ECT2: variants seen among roughly 807,000 people sequenced by gnomAD.
The protein encoded by ECT2 is epithelial cell transforming 2.
ECT2 carries 61 observed loss-of-function variants against 116.9 expected under a neutral mutation model. That is an observed-to-expected ratio of 0.52 (90% confidence interval 0.42 to 0.65). The LOEUF (loss-of-function observed/expected upper bound fraction) is 0.65. Among genes scored for constraint, ECT2 ranks in the 30% least tolerant of loss-of-function variants. The pLI, the probability that ECT2 is intolerant of heterozygous loss-of-function variation, is 0.00. For synonymous variants in ECT2, 358 were observed against 346.4 expected (o/e 1.03, Z -0.37); for missense variants, 937 against 1,078.7 (o/e 0.87, Z 1.84).
At chr3:172,801,902 A>G (rs1726788563) in intron 18 of ECT2, among the ~76,000 whole-genome samples, 1 of 152,152 alleles carries the variant, frequency 6.6e-6, no homozygotes, top group Non-Finnish European at 1.5e-5. Context: ...TTTTTGTTTC[A>G]GTGAAATGAT....
At chr3:172,784,428 T>TAGA (rs1723258410) in intron 16 of ECT2, among the ~76,000 whole-genome samples, 1 of 152,210 alleles carries the variant, frequency 6.6e-6, no homozygotes, top group Admixed American at 6.5e-5. Flanking sequence ...ATGTGCTTTT[T>TAGA]CTTGTGAATA....
intron 22 of ECT2, among the ~76,000 whole-genome samples, chr3:172,811,876 T>C (rs1728821183): frequency 6.6e-6 from 1 of 152,112 alleles, no homozygotes; most frequent in African/African-American, 2.4e-5. Flanking sequence ...TGCAGTAAAA[T>C]ATGTCTCATA....
chr3:172,809,601 A>T (rs1001635800), intron 22 of ECT2, among the ~76,000 whole-genome samples: 2 of 150,448 alleles, frequency 1.3e-5, no homozygotes, highest in Non-Finnish European at 2.9e-5. Context: ...ACACACACGC[A>T]CACACACACG....
intron 12 of ECT2, among the ~76,000 whole-genome samples, chr3:172,764,802 T>G (rs1719011770): frequency 6.6e-6 from 1 of 152,172 alleles, no homozygotes; most frequent in Non-Finnish European, 1.5e-5. Context: ...GTCATATAAC[T>G]AGAGAGTGAT....
At position 172,758,610 on chromosome 3, in the gene ECT2, G is replaced by A. The variant is rs191354257; in HGVS notation, c.487-370G>A. 1.7e-3 allele frequency among the ~76,000 whole-genome samples: 254 copies of A among 152,166 alleles called. 1 individual carries two copies. The highest frequency in any genetic ancestry group is 3.3e-3 in the Non-Finnish European group (222 of 68,010). ...ATTTACTCAGTGTTTATTATAAAAT[G>A]CCTCTGACCTGTTTTAATGACATTA... On this transcript the variant is annotated intron_variant, in intron 5 of 24. Coordinates refer to ENST00000392692, the MANE Select transcript of ECT2 (RefSeq NM_001258315.2).
Position 172,762,429 on chromosome 3 carries a change from G to T in ECT2, c.772G>T (p.Ala258Ser), listed in dbSNP as rs748406009. ...TTTTGTTTTTAGGGATTTCTATGCA[G>T]CAGTTGATGACTTTAGAAATGAATT... ...ERRNEQDFYA[A>S]VDDFRNEFKV... Residue 258 changes from alanine to serine, a missense_variant, in exon 9 of 25, where the codon GCA (alanine) becomes TCA (serine). Ala to Ser is a moderately conservative substitution (Grantham distance 99). Transcript: ENST00000392692. 2 of 1,592,828 alleles carry T rather than the reference G, an allele frequency of 1.3e-6. No individual in the cohort carries two copies. The highest frequency in any genetic ancestry group is 3.8e-5 in the Admixed American group (2 of 52,440).
the ECT2 span, among the ~76,000 whole-genome samples, chr3:172,826,751 A>G: frequency 6.6e-6 from 1 of 152,218 alleles, no homozygotes; most frequent in African/African-American, 2.4e-5. Flanking sequence ...ATCAGTCAGC[A>G]GCCATCAACA....
At chr3:172,766,481 A>G (rs189046538) in intron 12 of ECT2, among the ~76,000 whole-genome samples, 1 of 152,360 alleles carries the variant, frequency 6.6e-6, no homozygotes, top group Non-Finnish European at 1.5e-5. Context: ...GTTTGGAGAC[A>G]GTCAGACCAT....
At chr3:172,808,765 G>A (rs571494097) in intron 22 of ECT2, among the ~76,000 whole-genome samples, 1 of 152,272 alleles carries the variant, frequency 6.6e-6, no homozygotes, top group African/African-American at 2.4e-5. Context: ...GTTTCTGTGG[G>A]AATGAAACAT....
chr3:172,810,227 A>G (rs1728521238), intron 22 of ECT2, among the ~76,000 whole-genome samples: 1 of 152,180 alleles, frequency 6.6e-6, no homozygotes, highest in Non-Finnish European at 1.5e-5. Context: ...TAACTTGATA[A>G]TTAAATGCCA....
chr3:172,778,650 C>A (rs1722176096), intron 14 of ECT2, among the ~76,000 whole-genome samples: 1 of 125,064 alleles, frequency 8.0e-6, no homozygotes, highest in African/African-American at 3.1e-5. Context: ...GGCTGGAGTG[C>A]AATTGCACAA....
downstream of ECT2, among the ~76,000 whole-genome samples, chr3:172,824,834 G>T (rs1336829071): frequency 6.6e-6 from 1 of 152,130 alleles, no homozygotes; most frequent in Non-Finnish European, 1.5e-5. Flanking sequence ...CAATGATGTT[G>T]CAAGTTTTAT....
intron 20 of ECT2, among the ~76,000 whole-genome samples, chr3:172,804,139 C>T (rs1020893171): frequency 3.9e-5 from 6 of 152,046 alleles, no homozygotes; most frequent in African/African-American, 1.4e-4. Flanking sequence ...ATATGCTTTC[C>T]TTTTGTCCTT....
chr3:172,798,435 A>T (rs941493240), intron 18 of ECT2, among the ~76,000 whole-genome samples: 1 of 152,188 alleles, frequency 6.6e-6, no homozygotes, highest in Non-Finnish European at 1.5e-5. Flanking sequence ...CAAGTTTCTG[A>T]TAACTTTAAG....
At chr3:172,787,204 C>T (rs938796444) in intron 18 of ECT2, among the ~76,000 whole-genome samples, 15 of 152,090 alleles carry the variant, frequency 9.9e-5, no homozygotes, top group Admixed American at 3.9e-4. Flanking sequence ...AGAGAAGGCA[C>T]TTTAAGTGGA....
At chr3:172,773,758 G>A in intron 13 of ECT2, 145 bp from the exon 14 acceptor site, 1 of 787,886 alleles carries the variant, frequency 1.3e-6, no homozygotes, top group Non-Finnish European at 2.0e-6. Flanking sequence ...AGAAAATATG[G>A]GGAAAATGTC....
chr3:172,808,965 A>G (rs1728251296), intron 22 of ECT2, among the ~76,000 whole-genome samples: 1 of 152,174 alleles, frequency 6.6e-6, no homozygotes, highest in African/African-American at 2.4e-5. Flanking sequence ...TTGTTGCACA[A>G]AAGATTCAGA....
chr3:172,754,728 T>TA, intron 2 of ECT2, 68 bp downstream of exon 2: 1 of 1,253,146 alleles, frequency 8.0e-7, no homozygotes, highest in African/African-American at 1.5e-5. Context: ...GTGACTTTCT[T>TA]AAGATTTAAT....
intron 5 of ECT2, 56 bp downstream of exon 5, chr3:172,757,221 T>A (rs1010300587): frequency 1.6e-6 from 2 of 1,280,872 alleles, no homozygotes. Flanking sequence ...TAATGAATTT[T>A]AATTAGCAAA....
Sources: allele counts gnomAD v4.1 joint callset (sites outside exome capture counted in the v4.1 genomes callset), GRCh38; gene constraint gnomAD v4.1.1; transcripts MANE v1.5; gene names NCBI Gene and HGNC (gene_info 2026-07-23, HGNC 2026-07-21).